IBTK: variants seen among roughly 807,000 people sequenced by gnomAD.
IBTK encodes the protein BTK-binding protein.
In IBTK, 83 loss-of-function variants were observed where a neutral mutation model predicts 154.9. That is an observed-to-expected ratio of 0.54 (90% CI 0.45 to 0.64). The LOEUF (loss-of-function observed/expected upper bound fraction) is 0.64. Ranked by LOEUF, IBTK falls within the 30% of genes least tolerant of loss-of-function variation. The probability of loss-of-function intolerance (pLI) is 0.00; values close to 1 mark genes in which losing one functional copy is unlikely to be tolerated. For missense variants in IBTK, 1,332 were observed against 1,584.6 expected (o/e 0.84, Z 2.71); for synonymous variants, 515 against 536.1 (o/e 0.96, Z 0.54).
chr6:82,182,140 G>T, intron 25 of IBTK, 112 bp from the exon 26 acceptor site: 1 of 991,628 alleles, frequency 1.0e-6, no homozygotes, highest in South Asian at 1.6e-5. Flanking sequence ...ATATACAATT[G>T]CAGTTTTCAA....
chr6:82,204,512 A>G (rs1582214002), intron 17 of IBTK, among the ~76,000 whole-genome samples: 1 of 152,198 alleles, frequency 6.6e-6, no homozygotes, highest in Non-Finnish European at 1.5e-5. Context: ...GGGTAGCTAA[A>G]AACACCTAAA....
At chr6:82,171,973 T>C (rs945927209) in intron 28 of IBTK, among the ~76,000 whole-genome samples, 2 of 152,214 alleles carry the variant, frequency 1.3e-5, no homozygotes, top group African/African-American at 2.4e-5. Context: ...GCTAAGTCTA[T>C]GGAATCTTAA....
At chr6:82,188,635 T>C (rs775016867) in intron 25 of IBTK, among the ~76,000 whole-genome samples, 5 of 152,100 alleles carry the variant, frequency 3.3e-5, no homozygotes, top group Non-Finnish European at 5.9e-5. Context: ...GAAAAAGGTA[T>C]CATCAACAAA....
In IBTK at chr6:82,204,966, A is replaced by T; in HGVS notation, c.2510-8T>A. The T allele has an allele frequency of 6.4e-7, 1 of 1,555,708 alleles. No homozygotes were observed. The highest frequency in any genetic ancestry group is 8.8e-7 in the Non-Finnish European group (1 of 1,139,606). The stretch of plus-strand genomic sequence containing the variant: ...AATCTACATTTTGAGATTCTAAAAA[A>T]AGAAAGAAAACAAGCATCACTTTTT... On this transcript the variant is annotated splice_region_variant and splice_polypyrimidine_tract_variant and intron_variant, in intron 16 of 28. Transcript: ENST00000306270.
At chr6:82,246,624 C>A (rs1277615322) in intron 1 of IBTK, among the ~76,000 whole-genome samples, 1 of 152,010 alleles carries the variant, frequency 6.6e-6, no homozygotes, top group East Asian at 1.9e-4. Flanking sequence ...TTGAAGTAAA[C>A]TCTGGTTTGA....
At chr6:82,189,036 A>G in intron 25 of IBTK, 1 of 450,086 alleles carries the variant, frequency 2.2e-6, no homozygotes, top group Non-Finnish European at 4.4e-6. Flanking sequence ...TCTCAAAAAA[A>G]AAGAAGAAAA....
intron 1 of IBTK, among the ~76,000 whole-genome samples, chr6:82,241,735 A>G (rs2127830228): frequency 6.6e-6 from 1 of 152,360 alleles, no homozygotes. Flanking sequence ...AAGTTTAAAG[A>G]CAAAAGGAGA....
chr6:82,243,458 A>C (rs1452972506), intron 1 of IBTK, among the ~76,000 whole-genome samples: 1 of 152,224 alleles, frequency 6.6e-6, no homozygotes, highest in African/African-American at 2.4e-5. Context: ...TATTCTGAGC[A>C]GTATGATGAA....
chr6:82,214,275 A>G lies in IBTK; in HGVS notation c.2156T>C (p.Met719Thr), dbSNP rs1250007464. Residue 719 changes from methionine (M) to threonine (T), a missense_variant, in exon 12 of 29, where the codon ATG becomes ACG. Coordinates refer to ENST00000306270, the MANE Select transcript of IBTK (RefSeq NM_015525.4). ...GAATTTCTTTGCAACAGTTTGCAACATTCTTACAGGATCATCTTCCCTAAT... is the reference window on the plus strand; with the variant it reads ...GAATTTCTTTGCAACAGTTTGCAACGTTCTTACAGGATCATCTTCCCTAAT... Reference protein sequence around the residue: ...KNIREDDPVRMLQTVAKKFDF... With the variant: ...KNIREDDPVRTLQTVAKKFDF... The G allele has an allele frequency of 5.0e-6, 8 of 1,612,666 alleles. No individual in the cohort carries two copies. The South Asian group carries it at 7.7e-5, about 16-fold the overall frequency.
chr6:82,205,098 A>T (rs900690185), intron 16 of IBTK, 140 bp from the exon 17 acceptor site: 73 of 427,496 alleles, frequency 1.7e-4, no homozygotes, highest in Non-Finnish European at 2.8e-4. Flanking sequence ...TAGAAAAGAG[A>T]TTTAAGATTA....
chr6:82,240,397 T>A lies in IBTK; in HGVS notation c.90A>T (p.Glu30Asp). The A allele has an allele frequency of 6.2e-7, 1 of 1,614,192 alleles. No homozygotes were observed. The highest frequency in any genetic ancestry group is 8.5e-7 in the Non-Finnish European group (1 of 1,180,034). The change falls in exon 2 of 29, where the codon GAA becomes GAT. Residue 30 changes from glutamate (E) to aspartate (D), a missense_variant. Coordinates refer to ENST00000306270, the MANE Select transcript of IBTK (RefSeq NM_015525.4). ...TGGAGAGAAAGGCCTTAATCTGGTT[T>A]TCGCTCCCCTTTGTTACCACAGAAA... ...DVLSVVTKGS[E>D]NQIKAFLSSH...
At chr6:82,186,839 C>T (rs1407614342) in intron 25 of IBTK, among the ~76,000 whole-genome samples, 5 of 151,024 alleles carry the variant, frequency 3.3e-5, no homozygotes, top group African/African-American at 1.2e-4. Context: ...CATGTTTGTA[C>T]TTAAGTTTTC....
rs112077918 is a variant in IBTK at position 82,229,314 on chromosome 6, T to G, written c.544-2012A>C. On this transcript the variant is annotated intron_variant, in intron 4 of 28. Coordinates refer to ENST00000306270, the MANE Select transcript of IBTK (RefSeq NM_015525.4). The stretch of plus-strand genomic sequence containing the variant: ...CTAGTTCACTCACAACCCTGGCAAA[T>G]GGAATATGCTCAAATATTCCAAACT... 5.4e-3 allele frequency among the ~76,000 whole-genome samples: 825 copies of G among 152,286 alleles called. 9 individuals are homozygous for G. The highest frequency in any genetic ancestry group is 0.019 in the African/African-American group (790 of 41,542).
intron 25 of IBTK, among the ~76,000 whole-genome samples, chr6:82,186,470 T>G (rs983341495): frequency 2.6e-5 from 4 of 152,194 alleles, no homozygotes; most frequent in Non-Finnish European, 5.9e-5. Flanking sequence ...AAGGTTTTTT[T>G]TTGTAGATAT....
At chr6:82,173,605 T>C (rs1768008780) in intron 26 of IBTK, 167 bp from the exon 27 acceptor site, 1 of 442,244 alleles carries the variant, frequency 2.3e-6, no homozygotes. Flanking sequence ...ATAATCTATA[T>C]TTATAAAACC....
At chr6:82,183,007 G>C (rs984004492) in intron 25 of IBTK, among the ~76,000 whole-genome samples, 2 of 152,046 alleles carry the variant, frequency 1.3e-5, no homozygotes, top group Non-Finnish European at 2.9e-5. Context: ...TGACCCAAAG[G>C]AATTATGATA....
Position 82,218,153 on chromosome 6 carries a change from A to C in IBTK, c.1249-16T>G. 6.6e-7 allele frequency: 1 copy of C among 1,511,090 alleles called. No homozygotes were observed. Among genetic ancestry groups the C allele is most frequent in the Non-Finnish European group, 8.8e-7 (1 of 1,130,490 alleles). The allele number at this position is 1,511,090 out of a possible 1,614,324, so 93.6% of individuals were successfully genotyped here. ...AGCAAAACACCTAAAACAAAACCAA[A>C]TCACATTGAAATATAAAGCAAGTAG... On this transcript the variant is annotated splice_polypyrimidine_tract_variant and intron_variant, in intron 9 of 28. Transcript: ENST00000306270.
chr6:82,171,417 A>G lies in IBTK; in HGVS notation c.*8T>C. On this transcript the variant is annotated 3_prime_UTR_variant, in exon 29 of 29. Transcript: ENST00000306270. ...ATTATGTAAAATGCATCTCAACTCCACAGTGAACTAGCATCCATGCTTATT... is the reference window on the plus strand; with the variant it reads ...ATTATGTAAAATGCATCTCAACTCCGCAGTGAACTAGCATCCATGCTTATT... 1 of 1,608,044 alleles carries G rather than the reference A, an allele frequency of 6.2e-7. No homozygotes were observed. The highest frequency in any genetic ancestry group is 8.5e-7 in the Non-Finnish European group (1 of 1,177,930).
At chr6:82,217,815 A>C in intron 10 of IBTK, 145 bp downstream of exon 10, 1 of 505,766 alleles carries the variant, frequency 2.0e-6, no homozygotes, top group Admixed American at 4.0e-5. Flanking sequence ...TTACACTCTA[A>C]TAGGAAACAG....
Sources: allele counts gnomAD v4.1 joint callset (sites outside exome capture counted in the v4.1 genomes callset), GRCh38; gene constraint gnomAD v4.1.1; transcripts MANE v1.5; gene names NCBI Gene and HGNC (gene_info 2026-07-23, HGNC 2026-07-21).